ADCY3: variants seen among roughly 807,000 people sequenced by gnomAD.
ADCY3 encodes adenylate cyclase type 3.
A neutral mutation model predicts 119.4 loss-of-function variants in ADCY3; 70 were observed. The ratio of observed to expected loss-of-function variants is 0.59; its 90% confidence interval spans 0.48 to 0.72. ADCY3 has a LOEUF of 0.72. Ranked by LOEUF, ADCY3 falls within the 30% of genes least tolerant of loss-of-function variation. The pLI is 0.00. For synonymous variants in ADCY3, 672 were observed against 621.4 expected, an observed-to-expected ratio of 1.08 and a Z score of -1.21; for missense variants, 1,238 against 1,541.6, an observed-to-expected ratio of 0.80 and a Z score of 3.30.
At chr2:24,821,066 AT>A in intron 20 of ADCY3, 1 of 603,140 alleles carries the variant, frequency 1.7e-6, no homozygotes, top group Non-Finnish European at 2.8e-6. Context: ...CCATATGCAG[AT>A]TTACTCGGCA....
intron 9 of ADCY3, among the ~76,000 whole-genome samples, chr2:24,835,397 A>G (rs1670165615): frequency 1.3e-5 from 2 of 152,210 alleles, no homozygotes; most frequent in Non-Finnish European, 2.9e-5. Context: ...CTCATTTGGA[A>G]AGGAAGATCT....
rs1355962526 is a variant in ADCY3 at position 24,834,955 on chromosome 2, G to A, written c.1663-19C>T. 6.2e-7 allele frequency: 1 copy of A among 1,611,072 alleles called. No homozygotes were observed. The highest frequency in any genetic ancestry group is 1.7e-5 in the Admixed American group (1 of 59,928). On this transcript the variant is annotated intron_variant, in intron 9 of 21. Transcript: ENST00000679454. The surrounding 1 kb of genome is among the most constrained non-coding windows in gnomAD (Gnocchi z 4.2). ...TGTCGGCCTGTGAGCCAGGGAGGCA[G>A]CGTGAGTGGGGCAGATGGGACAGAG...
At position 24,834,854 on chromosome 2, in the gene ADCY3, T is replaced by A; in HGVS notation, c.1745A>T (p.Asp582Val). The change falls in exon 10 of 22, where the codon GAT becomes GTT. Residue 582 changes from aspartate to valine, a missense_variant. By Grantham distance (152) the Asp-to-Val change is radical (BLOSUM62 -3). This residue lies in a region of ADCY3 where 499 missense variants were observed against 571.0 expected (regional missense o/e 0.87). Coordinates refer to ENST00000679454, the MANE Select transcript of ADCY3 (RefSeq NM_004036.5). This position sits in a 1 kb window ranked among gnomAD's most constrained non-coding sequence, Gnocchi z 4.2. Reference sequence around the variant, plus strand: ...GAGCAGCTGGTTGAGCTCGTGCTCATCTTCAGAGGCATCCACCACTCGGTC... The same window carrying A: ...GAGCAGCTGGTTGAGCTCGTGCTCAACTTCAGAGGCATCCACCACTCGGTC... The part of the protein sequence containing the change: ...LADRVVDASE[D>V]EHELNQLLNE... The A allele has an allele frequency of 6.2e-7, 1 of 1,613,864 alleles. No homozygotes were observed. Among genetic ancestry groups the A allele is most frequent in the Non-Finnish European group, 8.5e-7 (1 of 1,179,980 alleles).
intron 11 of ADCY3, among the ~76,000 whole-genome samples, chr2:24,833,162 A>G (rs952893089): frequency 2.6e-5 from 4 of 152,290 alleles, no homozygotes; most frequent in Non-Finnish European, 4.4e-5. Context: ...GAGCCTCTCC[A>G]GGCATATGTC....
intron 14 of ADCY3, 37 bp from the exon 15 acceptor site, chr2:24,827,645 G>T: frequency 1.9e-6 from 3 of 1,562,752 alleles, no homozygotes; most frequent in East Asian, 4.7e-5. Flanking sequence ...GGCCCCATCT[G>T]GGAACAAGAG....
chr2:24,853,883 A>G (rs781684992), intron 3 of ADCY3, among the ~76,000 whole-genome samples: 2 of 152,242 alleles, frequency 1.3e-5, no homozygotes, highest in Non-Finnish European at 2.9e-5. Context: ...TGATTCATAT[A>G]TACTGAATCT....
intron 2 of ADCY3, among the ~76,000 whole-genome samples, chr2:24,913,952 G>A (rs1163546721): frequency 2.0e-5 from 3 of 151,908 alleles, no homozygotes; most frequent in Non-Finnish European, 2.9e-5. Flanking sequence ...CTAAAGGCAC[G>A]CCCCGCCCAC....
rs140150425 is a variant in ADCY3 at position 24,875,986 on chromosome 2, T to TGGG, written c.676-3270_676-3268dup. ...CCAGAAAGGAGTGTGGACTTCTTTT[T>TGGG]GGGAGGGGGGCGGTGGTGCAGATAG... On this transcript the variant is annotated intron_variant, in intron 2 of 21. Coordinates refer to ENST00000679454, the MANE Select transcript of ADCY3 (RefSeq NM_004036.5). Among the ~76,000 whole-genome samples the TGGG allele has an allele frequency of 2.8e-4, 42 of 149,242 alleles. No homozygotes were observed. The Middle Eastern group carries it at 0.01, about 36-fold the overall frequency.
At chr2:24,904,374 A>G (rs554875813) in intron 2 of ADCY3, among the ~76,000 whole-genome samples, 2 of 152,126 alleles carry the variant, frequency 1.3e-5, no homozygotes, top group African/African-American at 4.8e-5. Flanking sequence ...TACTAAAAAT[A>G]CAAAAATTTG....
Position 24,909,715 on chromosome 2 carries a change from G to A in ADCY3, c.675+8598C>T, listed in dbSNP as rs532510864. On this transcript the variant is annotated intron_variant, in intron 2 of 21. Coordinates refer to ENST00000679454, the MANE Select transcript of ADCY3 (RefSeq NM_004036.5). ...CATTCTGTGGTCACAGAGTATTTTG[G>A]ACCCTACCCAATCTCATGGCTTTAA... 2.0e-5 allele frequency among the ~76,000 whole-genome samples: 3 copies of A among 152,134 alleles called. No individual in the cohort carries two copies. The East Asian group carries it at 5.8e-4, about 29-fold the overall frequency.
intron 20 of ADCY3, chr2:24,821,115 G>A (rs1270061715): frequency 2.1e-6 from 1 of 479,678 alleles, no homozygotes; most frequent in African/African-American, 2.0e-5. Context: ...GGTATTTCAA[G>A]TCTCCTGGGA....
chr2:24,821,554 G>A lies in ADCY3; in HGVS notation c.3090C>T (p.Ile1030=). 2 of 1,614,206 alleles carry A rather than the reference G, an allele frequency of 1.2e-6. No homozygotes were observed. The highest frequency in any genetic ancestry group is 1.7e-6 in the Non-Finnish European group (2 of 1,180,028). Reference sequence around the variant, plus strand: ...TGAAGTTATTGAAGGACTGGTTGTTGATGTTGGTGAGCGTATCCTTCATGG... The same window carrying A: ...TGAAGTTATTGAAGGACTGGTTGTTAATGTTGGTGAGCGTATCCTTCATGG... ...ALAMKDTLTN[I]NNQSFNNFML... The change falls in exon 20 of 22, where the codon ATC becomes ATT. Residue 1030 remains isoleucine (I), a synonymous_variant. Transcript: ENST00000679454.
intron 2 of ADCY3, among the ~76,000 whole-genome samples, chr2:24,903,215 T>TGTG (rs1679117940): frequency 6.6e-6 from 1 of 151,896 alleles, no homozygotes; most frequent in African/African-American, 2.4e-5. Flanking sequence ...CCCTAACGCC[T>TGTG]GTGTGGTTCA....
At chr2:24,856,494 G>A (rs1673015870) in intron 3 of ADCY3, among the ~76,000 whole-genome samples, 1 of 152,208 alleles carries the variant, frequency 6.6e-6, no homozygotes, top group Non-Finnish European at 1.5e-5. Context: ...CCCCACCAGG[G>A]CGTCCATCAT....
intron 2 of ADCY3, among the ~76,000 whole-genome samples, chr2:24,909,784 TCAGA>T (rs1456869851): frequency 6.6e-6 from 1 of 152,186 alleles, no homozygotes; most frequent in Non-Finnish European, 1.5e-5. Flanking sequence ...TCCTGGTTTC[TCAGA>T]CAGCCTCAGA....
intron 20 of ADCY3, 93 bp downstream of exon 20, chr2:24,821,424 G>C: frequency 6.5e-7 from 1 of 1,540,364 alleles, no homozygotes; most frequent in Middle Eastern, 1.8e-4. Flanking sequence ...AATTGCCTCA[G>C]TTGTCCTGAG....
At chr2:24,837,408 T>C (rs1453896241) in intron 8 of ADCY3, among the ~76,000 whole-genome samples, 3 of 152,096 alleles carry the variant, frequency 2.0e-5, no homozygotes, top group Non-Finnish European at 4.4e-5. Context: ...GGGGTGGAGA[T>C]ACAAATTTGG....
At chr2:24,895,100 TC>T (rs1678100894) in intron 2 of ADCY3, among the ~76,000 whole-genome samples, 1 of 152,154 alleles carries the variant, frequency 6.6e-6, no homozygotes, top group South Asian at 2.1e-4. Context: ...TTTTTCTTTT[TC>T]TTTTTTTTGA....
In ADCY3 at chr2:24,842,996, G is replaced by C. The variant is rs185939406; in HGVS notation, c.826-612C>G. Among the ~76,000 whole-genome samples the C allele has an allele frequency of 6.6e-6, 1 of 152,190 alleles. No individual in the cohort carries two copies. The highest frequency in any genetic ancestry group is 1.5e-5 in the Non-Finnish European group (1 of 68,022). On this transcript the variant is annotated intron_variant, in intron 3 of 21. Coordinates refer to ENST00000679454, the MANE Select transcript of ADCY3 (RefSeq NM_004036.5). This position sits in a 1 kb window ranked among gnomAD's most constrained non-coding sequence, Gnocchi z 4.9. Reference sequence around the variant, plus strand: ...CAAGAGAGAAGCAGGGGCCAAGGTCGGCCGGGGAGGAGGCATCAAGGAGGC... The same window carrying C: ...CAAGAGAGAAGCAGGGGCCAAGGTCCGCCGGGGAGGAGGCATCAAGGAGGC...
Sources: allele counts gnomAD v4.1 joint callset (sites outside exome capture counted in the v4.1 genomes callset), GRCh38; gene constraint gnomAD v4.1.1; regional missense constraint gnomAD v4.1.1; non-coding constraint Gnocchi (gnomAD v3.1); transcripts MANE v1.5; gene names NCBI Gene and HGNC (gene_info 2026-07-23, HGNC 2026-07-21).